FBXL17: variants seen among roughly 807,000 people sequenced by gnomAD.
FBXL17 encodes the protein F-box/LRR-repeat protein 17.
Under a neutral mutation model 66.2 loss-of-function variants are expected in FBXL17, and 22 were observed. The ratio of observed to expected loss-of-function variants is 0.33; its 90% CI spans 0.24 to 0.47. The LOEUF (loss-of-function observed/expected upper bound fraction) is 0.47, where lower values mean the gene tolerates loss of function less well. Ranked by LOEUF, FBXL17 falls within the 20% of genes least tolerant of loss-of-function variation. FBXL17 has a pLI of 1.00. For synonymous variants in FBXL17, 474 were observed against 400.5 expected (o/e 1.18, Z -2.19); for missense variants, 878 against 948.2 (o/e 0.93, Z 0.97).
intron 5 of FBXL17, among the ~76,000 whole-genome samples, chr5:108,208,377 G>C (rs1416736371): frequency 1.3e-5 from 2 of 152,160 alleles, no homozygotes; most frequent in East Asian, 1.9e-4. Flanking sequence ...TAGAGATGAA[G>C]TCTTTGCCCA....
chr5:108,302,055 G>A, intron 4 of FBXL17: 1 of 984,438 alleles, frequency 1.0e-6, no homozygotes, highest in Non-Finnish European at 1.2e-6. Flanking sequence ...CCCATCATAT[G>A]TCTTTCTGAA....
At chr5:108,206,085 C>T (rs1754105615) in intron 5 of FBXL17, among the ~76,000 whole-genome samples, 1 of 152,290 alleles carries the variant, frequency 6.6e-6, no homozygotes, top group East Asian at 1.9e-4. Flanking sequence ...TATCAATCCA[C>T]ATATAATCGC....
At chr5:108,204,502 T>C (rs1272733286) in intron 5 of FBXL17, among the ~76,000 whole-genome samples, 7 of 152,184 alleles carry the variant, frequency 4.6e-5, no homozygotes, top group Admixed American at 4.6e-4. Context: ...AAGGTCTTCT[T>C]GACTACTGAT....
chr5:108,275,200 C>T (rs989713607), intron 4 of FBXL17, among the ~76,000 whole-genome samples: 1 of 152,226 alleles, frequency 6.6e-6, no homozygotes, highest in Non-Finnish European at 1.5e-5. Flanking sequence ...AAGGACACTT[C>T]TTTCACCCTA....
At chr5:108,377,390 CTTG>C (rs887270633) in intron 1 of FBXL17, among the ~76,000 whole-genome samples, 1 of 152,184 alleles carries the variant, frequency 6.6e-6, no homozygotes, top group Non-Finnish European at 1.5e-5. Flanking sequence ...ATGGTTTTTC[CTTG>C]TTTTCCCCTA....
At chr5:107,971,787 G>C (rs1449627966) in intron 7 of FBXL17, among the ~76,000 whole-genome samples, 1 of 152,122 alleles carries the variant, frequency 6.6e-6, no homozygotes, top group African/African-American at 2.4e-5. Flanking sequence ...TGGCATTTTA[G>C]AGCATACTGG....
intron 4 of FBXL17, among the ~76,000 whole-genome samples, chr5:108,265,148 T>C (rs940305414): frequency 6.6e-6 from 1 of 152,114 alleles, no homozygotes; most frequent in African/African-American, 2.4e-5. Flanking sequence ...AGACACTGAT[T>C]ATTTCATTGT....
intron 7 of FBXL17, among the ~76,000 whole-genome samples, chr5:107,937,958 T>C (rs1279255891): frequency 6.6e-6 from 1 of 152,138 alleles, no homozygotes; most frequent in Non-Finnish European, 1.5e-5. Context: ...TCCAACCTTC[T>C]CCTACATGGC....
intron 4 of FBXL17, among the ~76,000 whole-genome samples, chr5:108,292,814 T>C (rs1046611082): frequency 3.9e-5 from 6 of 152,132 alleles, no homozygotes; most frequent in Admixed American, 1.3e-4. Context: ...AAATATCTTG[T>C]TGAGGCCGGG....
intron 4 of FBXL17, among the ~76,000 whole-genome samples, chr5:108,346,805 C>G (rs1320470372): frequency 6.6e-6 from 1 of 152,078 alleles, no homozygotes; most frequent in African/African-American, 2.4e-5. Flanking sequence ...GTAAAGAACT[C>G]AAGTAACTTT....
chr5:108,374,578 A>C (rs560669281), intron 1 of FBXL17, among the ~76,000 whole-genome samples: 1 of 152,230 alleles, frequency 6.6e-6, no homozygotes, highest in African/African-American at 2.4e-5. Context: ...AGAGAGGCTG[A>C]GGTGGGAGGA....
At chr5:108,247,225 G>A (rs1756141914) in intron 4 of FBXL17, among the ~76,000 whole-genome samples, 1 of 152,058 alleles carries the variant, frequency 6.6e-6, no homozygotes, top group African/African-American at 2.4e-5. Context: ...TTATGTATTT[G>A]GATTCCCATT....
chr5:108,067,258 T>C (rs1403029039), intron 6 of FBXL17, among the ~76,000 whole-genome samples: 3 of 152,162 alleles, frequency 2.0e-5, no homozygotes, highest in African/African-American at 7.2e-5. Flanking sequence ...AAAACAGACT[T>C]AATATCTACT....
chr5:108,130,515 T>A (rs1162311262), intron 6 of FBXL17, among the ~76,000 whole-genome samples: 1 of 152,042 alleles, frequency 6.6e-6, no homozygotes, highest in Non-Finnish European at 1.5e-5. Flanking sequence ...ACGAAAAGTA[T>A]CTTTTCAAGA....
intron 1 of FBXL17, among the ~76,000 whole-genome samples, chr5:108,372,168 C>T (rs1749084422): frequency 6.6e-6 from 1 of 152,200 alleles, no homozygotes; most frequent in Non-Finnish European, 1.5e-5. Flanking sequence ...ATAATCATAT[C>T]TCTTTCTTGA....
intron 6 of FBXL17, among the ~76,000 whole-genome samples, chr5:108,159,500 T>A (rs931233744): frequency 6.6e-6 from 1 of 152,086 alleles, no homozygotes; most frequent in Admixed American, 6.6e-5. Flanking sequence ...CACTACCGTA[T>A]CAAAGAGACC....
At chr5:108,108,674 A>C (rs939688023) in intron 6 of FBXL17, among the ~76,000 whole-genome samples, 2 of 152,168 alleles carry the variant, frequency 1.3e-5, no homozygotes, top group Admixed American at 6.5e-5. Flanking sequence ...CACTAAGTAG[A>C]ACACTCCTTA....
chr5:108,216,584 T>C (rs1754607949), intron 5 of FBXL17, among the ~76,000 whole-genome samples: 1 of 152,178 alleles, frequency 6.6e-6, no homozygotes. Context: ...GCATGATGTT[T>C]TGATATAAGT....
intron 6 of FBXL17, among the ~76,000 whole-genome samples, chr5:108,163,176 G>C (rs557936600): frequency 6.6e-6 from 1 of 152,136 alleles, no homozygotes; most frequent in South Asian, 2.1e-4. Flanking sequence ...CAGTTACAAC[G>C]AAAGAGGTTA....
Sources: gnomAD v4.1 joint callset for allele counts (sites outside exome capture counted in the v4.1 genomes callset) on GRCh38, gnomAD v4.1.1 for gene constraint, MANE v1.5 for transcripts, NCBI Gene and HGNC (gene_info 2026-07-23, HGNC 2026-07-21) for gene names.